Variants in FBXL13 observed in about 807,000 individuals in gnomAD.
FBXL13 encodes F-box and leucine rich repeat protein 13, also known as F-box and leucine-rich repeat protein 13.
In FBXL13, 67 loss-of-function variants were observed where a neutral mutation model predicts 83.6. The observed-to-expected ratio is 0.80, with a 90% CI of 0.66 to 0.98. The LOEUF (loss-of-function observed/expected upper bound fraction) is 0.98. Among genes scored for constraint, FBXL13 ranks in the 50% least tolerant of loss-of-function variants. The probability of loss-of-function intolerance (pLI) is 0.00; values close to 1 mark genes in which losing one functional copy is unlikely to be tolerated. For missense variants in FBXL13, 822 were observed against 866.5 expected, an observed-to-expected ratio of 0.95 and a Z score of 0.64; for synonymous variants, 272 against 299.5, an observed-to-expected ratio of 0.91 and a Z score of 0.95.
chr7:102,849,949 C>T (rs1804900851), intron 17 of FBXL13, among the ~76,000 whole-genome samples: 2 of 151,632 alleles, frequency 1.3e-5, no homozygotes, highest in African/African-American at 2.4e-5. Flanking sequence ...CCATGACACA[C>T]GCATACCTAT....
At chr7:102,996,694 A>G (rs761892889) in intron 6 of FBXL13, among the ~76,000 whole-genome samples, 1 of 152,180 alleles carries the variant, frequency 6.6e-6, no homozygotes, top group African/African-American at 2.4e-5. Context: ...TTCCTCATAA[A>G]CAAATCAACA....
intron 6 of FBXL13, among the ~76,000 whole-genome samples, chr7:103,019,907 T>A (rs561384178): frequency 8.5e-5 from 13 of 152,262 alleles, no homozygotes; most frequent in Non-Finnish European, 1.8e-4. Flanking sequence ...AAGGAGGAGC[T>A]GGTACCATTC....
At chr7:102,873,555 T>C (rs1211955692) in intron 16 of FBXL13, among the ~76,000 whole-genome samples, 2 of 152,212 alleles carry the variant, frequency 1.3e-5, no homozygotes, top group African/African-American at 4.8e-5. Context: ...TCACTATGCA[T>C]CTGTGATTCC....
At chr7:102,898,985 C>T (rs1437676734) in intron 11 of FBXL13, among the ~76,000 whole-genome samples, 2 of 152,148 alleles carry the variant, frequency 1.3e-5, no homozygotes, top group African/African-American at 2.4e-5. Context: ...GGCACAATCT[C>T]GGCTTACTGC....
At chr7:103,029,440 A>T in intron 2 of FBXL13, 22 bp from the exon 4 acceptor site, 7 of 1,301,142 alleles carry the variant, frequency 5.4e-6, no homozygotes, top group Non-Finnish European at 6.3e-6. Flanking sequence ...AAATAATTGA[A>T]ATAACAAATA....
intron 7 of FBXL13, among the ~76,000 whole-genome samples, chr7:102,967,562 T>C (rs1428240519): frequency 1.3e-5 from 2 of 152,234 alleles, no homozygotes; most frequent in Non-Finnish European, 2.9e-5. Context: ...CATGAGCCAC[T>C]GTGCCCAGCA....
rs554768085 is a variant in FBXL13, at chr7:102,898,612, G to A, written c.1009-14300C>T. On this transcript the variant is annotated intron_variant, in intron 11 of 19. Coordinates refer to ENST00000313221, the Ensembl canonical transcript of FBXL13. ...GGCCACTTTTCTGTATTATATTTTG[G>A]CCAAACTTACCCCAAAAAAGTCATT... Among the ~76,000 whole-genome samples the A allele has an allele frequency of 4.3e-4, 65 of 151,996 alleles. 2 individuals are homozygous for A. The South Asian group carries it at 0.011, about 25-fold the overall frequency.
chr7:102,823,539 A>G (rs1799103027), intron 18 of FBXL13, among the ~76,000 whole-genome samples: 1 of 152,206 alleles, frequency 6.6e-6, no homozygotes. Flanking sequence ...TTTTGCCCAG[A>G]TGTCCTACAG....
chr7:103,052,670 C>T (rs1300068508), intron 2 of FBXL13, among the ~76,000 whole-genome samples: 2 of 152,080 alleles, frequency 1.3e-5, no homozygotes, highest in South Asian at 2.1e-4. Flanking sequence ...CCTTGGCAAA[C>T]TGTCATAACT....
At chr7:102,941,652 G>C (rs1184372653) in intron 8 of FBXL13, among the ~76,000 whole-genome samples, 1 of 151,962 alleles carries the variant, frequency 6.6e-6, no homozygotes, top group African/African-American at 2.4e-5. Context: ...CCATTCCAAA[G>C]GTCCTTGGGC....
chr7:102,822,149 A>G, exon 19 of FBXL13: 1 of 1,614,238 alleles, frequency 6.2e-7, no homozygotes, highest in Non-Finnish European at 8.5e-7. Context: ...GAGATATCCA[A>G]AATGTGCAGG....
Position 102,922,816 on chromosome 7 carries a change from C to CAA in FBXL13, c.878+3456_878+3457dup, listed in dbSNP as rs936284864. Reference sequence around the variant, plus strand: ...TGAAACCCCGTCTCTACTAAAAATACAAAAAAAAAAAATTAACTGGGTGTG... The same window carrying CAA: ...TGAAACCCCGTCTCTACTAAAAATACAAAAAAAAAAAAAATTAACTGGGTGTG... On this transcript the variant is annotated intron_variant, in intron 10 of 19. Transcript: ENST00000313221. 3.9e-3 allele frequency among the ~76,000 whole-genome samples: 559 copies of CAA among 143,278 alleles called. 4 individuals are homozygous for CAA. The highest frequency in any genetic ancestry group is 0.014 in the African/African-American group (552 of 39,490). 94.0% of individuals were successfully genotyped at this position (143,278 alleles called of 152,430 possible). A position where few individuals can be genotyped will look rare whatever the true frequency, so the allele number is the denominator to read the frequency against.
intron 6 of FBXL13, among the ~76,000 whole-genome samples, chr7:103,014,145 T>C: frequency 6.6e-6 from 1 of 152,088 alleles, no homozygotes; most frequent in Non-Finnish European, 1.5e-5. Context: ...GAATAAGTCA[T>C]GACAGTAAGA....
chr7:102,838,687 C>T (rs755401736), intron 17 of FBXL13, among the ~76,000 whole-genome samples: 3 of 152,140 alleles, frequency 2.0e-5, no homozygotes, highest in Non-Finnish European at 4.4e-5. Context: ...CAAGGTTTAA[C>T]GGATCTAGGG....
intron 11 of FBXL13, among the ~76,000 whole-genome samples, chr7:102,890,175 T>C (rs1811356262): frequency 6.6e-6 from 1 of 152,228 alleles, no homozygotes; most frequent in Non-Finnish European, 1.5e-5. Flanking sequence ...TTGTCCTTCC[T>C]CTTCCTAAAA....
intron 16 of FBXL13, among the ~76,000 whole-genome samples, chr7:102,872,649 G>C (rs1214734508): frequency 6.6e-6 from 1 of 152,120 alleles, no homozygotes; most frequent in African/African-American, 2.4e-5. Context: ...CAATTAACTA[G>C]CAGGAAATAT....
chr7:102,920,777 A>G (rs545199928), intron 10 of FBXL13, among the ~76,000 whole-genome samples: 2 of 152,350 alleles, frequency 1.3e-5, no homozygotes, highest in South Asian at 4.1e-4. Flanking sequence ...CCCGCATCAC[A>G]AAGGTTAAAA....
rs188303420 is a variant in FBXL13 at position 103,047,503 on chromosome 7, G to A, written c.-1+8141C>T. Among the ~76,000 whole-genome samples, 726 of 152,064 alleles carry A rather than the reference G, an allele frequency of 4.8e-3. 7 individuals are homozygous for A. Among genetic ancestry groups the A allele is most frequent in the African/African-American group, 0.017 (689 of 41,484 alleles). On this transcript the variant is annotated intron_variant, in intron 2 of 19. Coordinates refer to ENST00000313221, the Ensembl canonical transcript of FBXL13. ...TGTATATCTAATCAATTTCACTATC[G>A]GCTGGTTTAACATGAAAATCTTGGC...
intron 6 of FBXL13, among the ~76,000 whole-genome samples, chr7:103,009,950 T>C (rs1168652686): frequency 6.6e-6 from 1 of 152,092 alleles, no homozygotes. Context: ...AGGCTGGCAA[T>C]ACCTGCTAGA....
Sources: allele counts gnomAD v4.1 joint callset (sites outside exome capture counted in the v4.1 genomes callset), GRCh38; gene constraint gnomAD v4.1.1; transcripts MANE v1.5; gene names NCBI Gene and HGNC (gene_info 2026-07-23, HGNC 2026-07-21).